SPATA2: variants seen among roughly 807,000 people sequenced by gnomAD.
The protein encoded by SPATA2 is spermatogenesis associated 2, also known as spermatogenesis-associated protein 2.
SPATA2 carries 8 observed loss-of-function variants against 35.4 expected under a neutral mutation model. The observed-to-expected ratio is 0.23, with a 90% CI of 0.13 to 0.41. SPATA2 has a LOEUF of 0.41. SPATA2 is among the 10% of genes least tolerant of loss of function. SPATA2 has a pLI of 1.00. For synonymous variants in SPATA2, 293 were observed against 300.9 expected (o/e 0.97, Z 0.27); for missense variants, 650 against 698.7 (o/e 0.93, Z 0.79).
chr20:49,905,852 G>A lies in SPATA2; in HGVS notation c.1330C>T (p.Pro444Ser). 6.2e-7 allele frequency: 1 copy of A among 1,613,982 alleles called. No individual in the cohort carries two copies. Among genetic ancestry groups the A allele is most frequent in the Non-Finnish European group, 8.5e-7 (1 of 1,180,040 alleles). ...GGCTTGGATTTGGAGTGAAGGTGCG[G>A]GAGGCGGTCGAGGCCCTGAGTCTGG... ...PGQTQGLDRL[P>S]HLHSKSKPST... The change falls in exon 3 of 3, where the codon CCG becomes TCG. Residue 444 changes from proline (P) to serine (S), a missense_variant. Coordinates refer to ENST00000289431, the MANE Select transcript of SPATA2 (RefSeq NM_006038.4).
In SPATA2 at chr20:49,906,484, G is replaced by A. The variant is rs996418601; in HGVS notation, c.698C>T (p.Ser233Leu). The A allele has an allele frequency of 5.6e-6, 9 of 1,611,162 alleles. No homozygotes were observed. Among genetic ancestry groups the A allele is most frequent in the Admixed American group, 1.7e-5 (1 of 60,002 alleles). The change falls in exon 3 of 3, where the codon TCG becomes TTG. Residue 233 changes from serine (S) to leucine (L), a missense_variant. Physicochemically the swap from Ser to Leu is moderately radical, Grantham distance 145 (BLOSUM62 -2). Coordinates refer to ENST00000289431, the MANE Select transcript of SPATA2 (RefSeq NM_006038.4). The surrounding 1 kb of genome is among the most constrained non-coding windows in gnomAD (Gnocchi z 8.2). ...ASMSRVALQK[S>L]ASERAAKDYY... ...GTCCTTGGCCGCCCGCTCGCTGGCC[G>A]ACTTCTGGAGTGCCACTCGTGACAT...
chr20:49,906,930 G>T lies in SPATA2; in HGVS notation c.337-85C>A, dbSNP rs2090149316. 2.0e-6 allele frequency: 3 copies of T among 1,465,774 alleles called. No individual in the cohort carries two copies. Among genetic ancestry groups the T allele is most frequent in the South Asian group, 1.3e-5 (1 of 74,150 alleles). The allele number at this position is 1,465,774 out of a possible 1,614,324, so 90.8% of individuals were successfully genotyped here. ...ACTATGTCAAAGCAAAGGATGTCCA[G>T]CTCTGAAGTGGGGCGGCGGGGAGAG... On this transcript the variant is annotated intron_variant, in intron 2 of 2. Transcript: ENST00000289431. The surrounding 1 kb of genome is among the most constrained non-coding windows in gnomAD (Gnocchi z 8.2).
In SPATA2 at chr20:49,906,139, CG is replaced by C; in HGVS notation, c.1042del (p.Arg348ValfsTer160). The C allele has an allele frequency of 6.2e-7, 1 of 1,610,110 alleles. No homozygotes were observed. The highest frequency in any genetic ancestry group is 8.5e-7 in the Non-Finnish European group (1 of 1,178,032). On this transcript the variant is annotated frameshift_variant, in exon 3 of 3. Transcript: ENST00000289431. LOFTEE classifies it high-confidence loss of function. This position sits in a 1 kb window ranked among gnomAD's most constrained non-coding sequence, Gnocchi z 8.2. ...YTDSEPRATY[R>X]RQDALRPDVW... ...ATCCGGCCGCAGAGCATCCTGCCGA[CG>C]GTAGGTGGCCCTGGGTTCAGAGTCT...
rs1447155031 is a variant in SPATA2, at chr20:49,903,912, T to G, written c.*1707A>C. 149 of 28,018 alleles carry G rather than the reference T, an allele frequency of 5.3e-3. 1 individual carries two copies. The South Asian group carries it at 0.087, about 16-fold the overall frequency. 1.7% of individuals were successfully genotyped at this position (28,018 alleles called of 1,614,324 possible). On this transcript the variant is annotated 3_prime_UTR_variant, in exon 3 of 3. Coordinates refer to ENST00000289431, the MANE Select transcript of SPATA2 (RefSeq NM_006038.4). ...GTGATCTACCAGATAGATATATATA[T>G]ATATATATATATATATATATATATA... is the stretch of plus-strand genomic sequence containing the variant.
chr20:49,914,485 T>C (rs764262374), intron 1 of SPATA2, among the ~76,000 whole-genome samples: 1 of 151,984 alleles, frequency 6.6e-6, no homozygotes, highest in Non-Finnish European at 1.5e-5. Context: ...GGGAAGTCAG[T>C]TCAACCCCCT....
chr20:49,914,194 C>T (rs2090196743), intron 1 of SPATA2, among the ~76,000 whole-genome samples: 1 of 152,128 alleles, frequency 6.6e-6, no homozygotes, highest in Admixed American at 6.6e-5. Context: ...AGAGATATTG[C>T]ACAGTCAGGG....
chr20:49,903,897 AG>A lies in SPATA2; in HGVS notation c.*1721del, dbSNP rs1413258742. ...ACTGTACATCTACATGTGATCTACC[AG>A]ATAGATATATATATATATATATATA... On this transcript the variant is annotated 3_prime_UTR_variant, in exon 3 of 3. Transcript: ENST00000289431. 5.0e-5 allele frequency: 4 copies of A among 79,764 alleles called. No individual in the cohort carries two copies. The highest frequency in any genetic ancestry group is 2.2e-4 in the African/African-American group (3 of 13,500). 4.9% of individuals were successfully genotyped at this position (79,764 alleles called of 1,614,324 possible).
At position 49,903,772 on chromosome 20, in the gene SPATA2, T is replaced by C. The variant is rs564621766; in HGVS notation, c.*1847A>G. On this transcript the variant is annotated 3_prime_UTR_variant, in exon 3 of 3. Transcript: ENST00000289431. ...AGAGCTCTCAGGAGTGGGCCAGGCA[T>C]TGCCGATTCTGAAATGTGAAAAGGA... The C allele has an allele frequency of 6.6e-6, 1 of 151,912 alleles. No individual in the cohort carries two copies. Among genetic ancestry groups the C allele is most frequent in the Admixed American group, 6.6e-5 (1 of 15,230 alleles). The allele number at this position is 151,912 out of a possible 1,614,324, so 9.4% of individuals were successfully genotyped here. A position where few individuals can be genotyped will look rare whatever the true frequency, so the allele number is the denominator to read the frequency against.
intron 1 of SPATA2, among the ~76,000 whole-genome samples, chr20:49,909,275 G>A (rs2090169069): frequency 6.6e-6 from 1 of 151,880 alleles, no homozygotes; most frequent in African/African-American, 2.4e-5. Context: ...CACCAGCCTT[G>A]GCCTCCCAAA....
intron 1 of SPATA2, among the ~76,000 whole-genome samples, chr20:49,915,117 C>G (rs994653650): frequency 6.6e-6 from 1 of 152,178 alleles, no homozygotes; most frequent in African/African-American, 2.4e-5. Flanking sequence ...TTTGGCCAGT[C>G]GCCGAAGAGG....
At position 49,903,495 on chromosome 20, in the gene SPATA2, T is replaced by A. The variant is rs1303938298; in HGVS notation, c.*2124A>T. The A allele has an allele frequency of 6.6e-6, 1 of 152,178 alleles. No individual in the cohort carries two copies. The highest frequency in any genetic ancestry group is 1.5e-5 in the Non-Finnish European group (1 of 68,030). 9.4% of individuals were successfully genotyped at this position (152,178 alleles called of 1,614,324 possible). On this transcript the variant is annotated 3_prime_UTR_variant, in exon 3 of 3. Coordinates refer to ENST00000289431, the MANE Select transcript of SPATA2 (RefSeq NM_006038.4). ...AAACATCTGCATTTTTAAATTAGCA[T>A]GTATTTAACTATCTCAATCACAGCA...
rs753348701 is a variant in SPATA2 at position 49,906,271 on chromosome 20, G to A, written c.911C>T (p.Ser304Phe). The A allele has an allele frequency of 2.8e-5, 44 of 1,572,082 alleles. No individual in the cohort carries two copies. The South Asian group carries it at 4.6e-4, about 16-fold the overall frequency. Residue 304 changes from serine to phenylalanine, a missense_variant, in exon 3 of 3, where the codon TCC becomes TTC. Transcript: ENST00000289431. The surrounding 1 kb of genome is among the most constrained non-coding windows in gnomAD (Gnocchi z 8.2). ...PSPSLLTMAS[S>F]PHGSPDVLPP... ...AAGCACATCCGGGCTGCCGTGGGGG[G>A]AGCTGGCCATGGTCAGCAGCGAAGG...
Position 49,906,153 on chromosome 20 carries a change from G to A in SPATA2, c.1029C>T (p.Pro343=). 6.2e-7 allele frequency: 1 copy of A among 1,607,318 alleles called. No individual in the cohort carries two copies. The highest frequency in any genetic ancestry group is 1.1e-5 in the South Asian group (1 of 89,848). The part of the protein sequence containing the change: ...DDVDLYTDSE[P]RATYRRQDAL... The stretch of plus-strand genomic sequence containing the variant: ...CATCCTGCCGACGGTAGGTGGCCCT[G>A]GGTTCAGAGTCTGTGTACAGATCCA... The change falls in exon 3 of 3, where the codon CCC becomes CCT. Residue 343 remains proline (P), a synonymous_variant. Transcript: ENST00000289431. The surrounding 1 kb of genome is among the most constrained non-coding windows in gnomAD (Gnocchi z 8.2).
At chr20:49,910,758 T>C (rs971575711) in intron 1 of SPATA2, among the ~76,000 whole-genome samples, 4 of 152,216 alleles carry the variant, frequency 2.6e-5, no homozygotes, top group African/African-American at 9.6e-5. Flanking sequence ...CCACAGATTT[T>C]GTCCCCAGGA....
chr20:49,909,047 G>T (rs937438426), intron 1 of SPATA2, among the ~76,000 whole-genome samples: 3 of 152,076 alleles, frequency 2.0e-5, no homozygotes, highest in African/African-American at 7.2e-5. Flanking sequence ...TTTTGAGATG[G>T]ATCCTTGCTC....
At position 49,903,716 on chromosome 20, in the gene SPATA2, G is replaced by A. The variant is rs2090120591; in HGVS notation, c.*1903C>T. On this transcript the variant is annotated 3_prime_UTR_variant, in exon 3 of 3. Coordinates refer to ENST00000289431, the MANE Select transcript of SPATA2 (RefSeq NM_006038.4). The stretch of plus-strand genomic sequence containing the variant: ...GAAAGAGTTAGTTACTGTAATGCTG[G>A]CGCAATCTGGAAATGGAAAACTAGA... 6.6e-6 allele frequency: 1 copy of A among 151,928 alleles called. No individual in the cohort carries two copies. The highest frequency in any genetic ancestry group is 2.1e-4 in the South Asian group (1 of 4,828). The allele number at this position is 151,928 out of a possible 1,614,324, so 9.4% of individuals were successfully genotyped here.
chr20:49,905,745 T>A lies in SPATA2; in HGVS notation c.1437A>T (p.Ser479=). 6.2e-7 allele frequency: 1 copy of A among 1,614,222 alleles called. No homozygotes were observed. Among genetic ancestry groups the A allele is most frequent in the Non-Finnish European group, 8.5e-7 (1 of 1,180,032 alleles). ...TNTCTQCSKV[S]CDACLSAYHY... ...GGTAAGCGCTGAGGCAGGCGTCACA[T>A]GAGACTTTTGAACACTGGGTGCAGG... is the stretch of plus-strand genomic sequence containing the variant. Residue 479 remains serine, a synonymous_variant, in exon 3 of 3, where the codon TCA becomes TCT. Transcript: ENST00000289431.
rs191843611 is a variant in SPATA2, at chr20:49,908,356, T to C, written c.135A>G (p.Ala45=). 44 of 1,614,250 alleles carry C rather than the reference T, an allele frequency of 2.7e-5. No homozygotes were observed. The East Asian group carries it at 9.1e-4, about 34-fold the overall frequency. ...TGTGCAGGCTGAGCAGGGTTGAGGC[T>C]GCCACCCGCAGGCACTCATCGCTGC... ...RPGSDECLRV[A]ASTLLSLHKV... The change falls in exon 2 of 3, where the codon GCA becomes GCG. Residue 45 remains alanine (A), a synonymous_variant. Transcript: ENST00000289431.
intron 1 of SPATA2, among the ~76,000 whole-genome samples, chr20:49,913,901 C>A (rs780891772): frequency 6.6e-6 from 1 of 152,048 alleles, no homozygotes; most frequent in Non-Finnish European, 1.5e-5. Context: ...CAGCACTCTG[C>A]AAGAACAACA....
Sources: allele counts gnomAD v4.1 joint callset (sites outside exome capture counted in the v4.1 genomes callset), GRCh38; gene constraint gnomAD v4.1.1; non-coding constraint Gnocchi (gnomAD v3.1); transcripts MANE v1.5; gene names NCBI Gene and HGNC (gene_info 2026-07-23, HGNC 2026-07-21).